TRPM2: variants seen among roughly 807,000 people sequenced by gnomAD.
TRPM2 encodes estrogen-responsive element-associated gene 1 protein.
In TRPM2, 161 loss-of-function variants were observed where a neutral mutation model predicts 174.0. That is an observed-to-expected ratio of 0.93 (90% confidence interval 0.81 to 1.05). The LOEUF is 1.05. TRPM2 is among the 50% of genes least tolerant of loss of function. The pLI, the probability that TRPM2 is intolerant of heterozygous loss-of-function variation, is 0.00. For synonymous variants in TRPM2, 954 were observed against 861.3 expected (o/e 1.11, Z -1.88); for missense variants, 2,057 against 2,038.0 (o/e 1.01, Z -0.18).
rs1161131613 is a variant in TRPM2 at position 44,401,702 on chromosome 21, G to A, written c.2343G>A (p.Val781=). ...GCAGGGAGAAGAGGCTGCAGGATGT[G>A]GGCACCCCCGCGGCCCGCGCCCGTG... The part of the protein sequence containing the change: ...ISFREKRLQD[V]GTPAARARAF... Residue 781 remains valine, a synonymous_variant, in exon 16 of 32, where the codon GTG becomes GTA. Coordinates refer to ENST00000397928, the MANE Select transcript of TRPM2 (RefSeq NM_003307.4). The A allele has an allele frequency of 1.2e-6, 2 of 1,612,988 alleles. No individual in the cohort carries two copies.
intron 18 of TRPM2, among the ~76,000 whole-genome samples, chr21:44,406,243 C>A (rs2049870993): frequency 6.6e-6 from 1 of 152,122 alleles, no homozygotes; most frequent in South Asian, 2.1e-4. Flanking sequence ...CCCTCATTCT[C>A]CCCTCTGATC....
At chr21:44,424,732 A>C (rs1394295545) in intron 23 of TRPM2, 120 bp from the exon 24 acceptor site, 2 of 594,128 alleles carry the variant, frequency 3.4e-6, no homozygotes, top group Admixed American at 3.5e-5. Context: ...CAAAGGGCGC[A>C]GGGGCTGAGT....
intron 9 of TRPM2, among the ~76,000 whole-genome samples, chr21:44,383,104 A>G (rs1158157266): frequency 3.3e-5 from 5 of 152,166 alleles, no homozygotes; most frequent in Non-Finnish European, 7.3e-5. Flanking sequence ...GGGTGGAAAG[A>G]AAGAGTGCAG....
At chr21:44,358,969 G>A (rs956560076) in intron 2 of TRPM2, among the ~76,000 whole-genome samples, 6 of 152,206 alleles carry the variant, frequency 3.9e-5, no homozygotes, top group Admixed American at 2.6e-4. Flanking sequence ...CGAGCAGTTT[G>A]CCGCTGCTGG....
At chr21:44,412,786 T>A (rs1171973626) in intron 19 of TRPM2, among the ~76,000 whole-genome samples, 2 of 152,064 alleles carry the variant, frequency 1.3e-5, no homozygotes, top group Non-Finnish European at 2.9e-5. Context: ...GCTCTTCTTT[T>A]TCTAGTTTAC....
chr21:44,391,142 G>A lies in TRPM2; in HGVS notation c.1440+117G>A. 6.4e-7 allele frequency: 1 copy of A among 1,560,412 alleles called. No individual in the cohort carries two copies. Among genetic ancestry groups the A allele is most frequent in the Admixed American group, 1.8e-5 (1 of 56,612 alleles). The stretch of plus-strand genomic sequence containing the variant: ...GATCCCAGCCCTTCCCTTGAGGGTG[G>A]GTGACCTGGGCAGCTTTCATCCTCC... On this transcript the variant is annotated intron_variant, in intron 10 of 31. Coordinates refer to ENST00000397928, the MANE Select transcript of TRPM2 (RefSeq NM_003307.4). The surrounding 1 kb of genome is among the most constrained non-coding windows in gnomAD (Gnocchi z 5.0).
At chr21:44,413,069 A>G (rs1297386095) in intron 19 of TRPM2, among the ~76,000 whole-genome samples, 7 of 152,198 alleles carry the variant, frequency 4.6e-5, no homozygotes, top group African/African-American at 1.4e-4. Context: ...CTGTTTCCAT[A>G]TTCAATAGCC....
intron 16 of TRPM2, among the ~76,000 whole-genome samples, chr21:44,403,513 TACACATGC>T (rs1393999535): frequency 6.8e-6 from 1 of 146,932 alleles, no homozygotes; most frequent in East Asian, 2.0e-4. Flanking sequence ...CACACACATG[TACACATGC>T]ACACAAATGC....
chr21:44,429,515 G>A (rs2050954054), intron 27 of TRPM2, among the ~76,000 whole-genome samples: 1 of 151,828 alleles, frequency 6.6e-6, no homozygotes, highest in African/African-American at 2.4e-5. Flanking sequence ...TTGAATTCCT[G>A]ACCTCAGGTG....
At chr21:44,427,202 T>A in intron 27 of TRPM2, 91 bp downstream of exon 27, 1 of 1,159,448 alleles carries the variant, frequency 8.6e-7, no homozygotes, top group Non-Finnish European at 1.2e-6. Flanking sequence ...AGCATTTTTC[T>A]CATAAAACAA....
chr21:44,436,831 G>C (rs1351955008), intron 28 of TRPM2, among the ~76,000 whole-genome samples: 1 of 152,120 alleles, frequency 6.6e-6, no homozygotes, highest in Non-Finnish European at 1.5e-5. Context: ...CTCCATGAAG[G>C]CTGGGTCTCT....
rs150468350 is a variant in TRPM2, at chr21:44,370,317, T to C, written c.771+974T>C. The stretch of plus-strand genomic sequence containing the variant: ...CCTGCAGCCGGGAATCCCACTGTGC[T>C]GTGGTCCCTGGCAGCCAGCACCCAC... On this transcript the variant is annotated intron_variant, in intron 5 of 31. Coordinates refer to ENST00000397928, the MANE Select transcript of TRPM2 (RefSeq NM_003307.4). Among the ~76,000 whole-genome samples, 799 of 152,248 alleles carry C rather than the reference T, an allele frequency of 5.2e-3. 9 individuals carry two copies. The highest frequency in any genetic ancestry group is 0.018 in the African/African-American group (761 of 41,524).
At chr21:44,433,499 AAGG>A (rs993324863) in intron 27 of TRPM2, among the ~76,000 whole-genome samples, 2 of 152,150 alleles carry the variant, frequency 1.3e-5, no homozygotes, top group Non-Finnish European at 2.9e-5. Context: ...TGAGTGCAGG[AAGG>A]AGAATGGTGG....
chr21:44,356,659 T>G (rs1602114386), intron 2 of TRPM2, among the ~76,000 whole-genome samples: 1 of 151,830 alleles, frequency 6.6e-6, no homozygotes, highest in Admixed American at 6.6e-5. Context: ...GCCAGGCTGG[T>G]CTGGAACTCC....
chr21:44,367,247 C>T lies in TRPM2; in HGVS notation c.604+313C>T, dbSNP rs2048389268. Among the ~76,000 whole-genome samples, 1 of 151,264 alleles carries T rather than the reference C, an allele frequency of 6.6e-6. No homozygotes were observed. The highest frequency in any genetic ancestry group is 6.6e-5 in the Admixed American group (1 of 15,242). ...CTGAGAACCTTGGTGGCCTGGGAAC[C>T]TCGGTGGCCTGAGAACCTTGGTGGC... On this transcript the variant is annotated intron_variant, in intron 4 of 31. Transcript: ENST00000397928. The surrounding 1 kb of genome is among the most constrained non-coding windows in gnomAD (Gnocchi z 4.6).
Position 44,376,968 on chromosome 21 carries a change from G to A in TRPM2, c.953-744G>A, listed in dbSNP as rs28650298. ...AACCCTGCTTGACTAGTAGGAGCACGTTCCCTGGTGAGGACGATGCTGCAG... is the reference window on the plus strand; with the variant it reads ...AACCCTGCTTGACTAGTAGGAGCACATTCCCTGGTGAGGACGATGCTGCAG... On this transcript the variant is annotated intron_variant, in intron 6 of 31. Transcript: ENST00000397928. This position sits in a 1 kb window ranked among gnomAD's most constrained non-coding sequence, Gnocchi z 4.2. 2.0e-3 allele frequency among the ~76,000 whole-genome samples: 299 copies of A among 151,952 alleles called. 1 individual carries two copies. Among genetic ancestry groups the A allele is most frequent in the African/African-American group, 6.8e-3 (280 of 41,430 alleles).
At chr21:44,380,293 G>A (rs1049789002) in intron 8 of TRPM2, among the ~76,000 whole-genome samples, 24 of 152,316 alleles carry the variant, frequency 1.6e-4, no homozygotes, top group Admixed American at 4.6e-4. Flanking sequence ...ATAACATGAT[G>A]TAGCTGCAAG....
rs1010843358 is a variant in TRPM2 at position 44,432,914 on chromosome 21, TGTC to T, written c.3975-2214_3975-2212del. On this transcript the variant is annotated intron_variant, in intron 27 of 31. Coordinates refer to ENST00000397928, the MANE Select transcript of TRPM2 (RefSeq NM_003307.4). This position sits in a 1 kb window ranked among gnomAD's most constrained non-coding sequence, Gnocchi z 4.9. ...GTTTATGGACGGGCCTATGCCTTGA[TGTC>T]GTGATGGAACTACCGGGCACGTGGC... Among the ~76,000 whole-genome samples, 1 of 152,148 alleles carries T rather than the reference TGTC, an allele frequency of 6.6e-6. No homozygotes were observed. The highest frequency in any genetic ancestry group is 2.4e-5 in the African/African-American group (1 of 41,436).
intron 27 of TRPM2, among the ~76,000 whole-genome samples, chr21:44,427,563 A>G (rs866878166): frequency 7.3e-4 from 111 of 152,276 alleles, no homozygotes; most frequent in Middle Eastern, 6.8e-3. Flanking sequence ...CCCAAAATAA[A>G]GGTGTCAAGT....
Sources: gnomAD v4.1 joint callset for allele counts (sites outside exome capture counted in the v4.1 genomes callset) on GRCh38, gnomAD v4.1.1 for gene constraint, Gnocchi (gnomAD v3.1) non-coding constraint, MANE v1.5 for transcripts, NCBI Gene and HGNC (gene_info 2026-07-23, HGNC 2026-07-21) for gene names.